The following EFR3B variants were observed in gnomAD, a reference collection of about 807,000 sequenced individuals.
EFR3B encodes the protein EFR3 homolog B.
A neutral mutation model predicts 104.7 loss-of-function variants in EFR3B; 64 were observed. That is an observed-to-expected ratio of 0.61 (90% CI 0.50 to 0.75). The LOEUF is 0.75. EFR3B is among the 30% of genes least tolerant of loss of function. The probability of loss-of-function intolerance (pLI) is 0.00; values close to 1 mark genes in which losing one functional copy is unlikely to be tolerated. For synonymous variants in EFR3B, 385 were observed against 417.9 expected (o/e 0.92, Z 0.96); for missense variants, 750 against 1,078.5 (o/e 0.70, Z 4.27).
intron 1 of EFR3B, among the ~76,000 whole-genome samples, chr2:25,051,637 G>GTTTT (rs1553383963): frequency 7.3e-6 from 1 of 136,740 alleles, no homozygotes; most frequent in African/African-American, 2.8e-5. Context: ...GTGTGTGTGT[G>GTTTT]TTTTTTTTTT....
intron 21 of EFR3B, among the ~76,000 whole-genome samples, chr2:25,153,143 C>T (rs1480745779): frequency 6.6e-6 from 1 of 152,166 alleles, no homozygotes; most frequent in Non-Finnish European, 1.5e-5. Context: ...CACCTGAGGT[C>T]AGGAGTTCGA....
intron 3 of EFR3B, among the ~76,000 whole-genome samples, chr2:25,100,400 G>A (rs535500501): frequency 1.3e-5 from 2 of 152,306 alleles, no homozygotes; most frequent in African/African-American, 4.8e-5. Flanking sequence ...TTGTAAGAGA[G>A]GCCTTTTGCT....
chr2:25,077,549 A>G (rs1558592365), intron 1 of EFR3B, among the ~76,000 whole-genome samples: 1 of 152,252 alleles, frequency 6.6e-6, no homozygotes, highest in Non-Finnish European at 1.5e-5. Context: ...TTGGCCTCCC[A>G]AAGTGTTGGG....
At chr2:25,109,094 G>A (rs1214638809) in intron 4 of EFR3B, among the ~76,000 whole-genome samples, 4 of 151,608 alleles carry the variant, frequency 2.6e-5, no homozygotes, top group Non-Finnish European at 5.9e-5. Flanking sequence ...CCACAGAAAG[G>A]GAGAAAATAT....
At position 25,137,746 on chromosome 2, in the gene EFR3B, G is replaced by C. The variant is rs1261500358; in HGVS notation, c.1722+244G>C. Among the ~76,000 whole-genome samples the C allele has an allele frequency of 2.0e-5, 3 of 152,160 alleles. No homozygotes were observed. In the East Asian group the frequency reaches 5.8e-4, roughly 29 times the overall value. ...AAGCTAAAGAAGACCCAGGGAACCG[G>C]GTCGTTCAGAAACATCCCTTAGCTA... On this transcript the variant is annotated intron_variant, in intron 15 of 22. Coordinates refer to ENST00000403714, the MANE Select transcript of EFR3B (RefSeq NM_014971.2). This position sits in a 1 kb window ranked among gnomAD's most constrained non-coding sequence, Gnocchi z 4.7.
At chr2:25,070,925 T>C (rs1668475785) in intron 1 of EFR3B, among the ~76,000 whole-genome samples, 1 of 152,270 alleles carries the variant, frequency 6.6e-6, no homozygotes, top group South Asian at 2.1e-4. Context: ...AAATTCATTG[T>C]TGCTTAATAC....
intron 1 of EFR3B, among the ~76,000 whole-genome samples, chr2:25,078,870 C>T (rs890968918): frequency 3.9e-5 from 6 of 152,152 alleles, no homozygotes; most frequent in African/African-American, 1.4e-4. Flanking sequence ...GTGGCGCTGA[C>T]TCTCCTGCCC....
intron 1 of EFR3B, among the ~76,000 whole-genome samples, chr2:25,072,851 C>T (rs1173359250): frequency 6.6e-6 from 1 of 152,204 alleles, no homozygotes; most frequent in African/African-American, 2.4e-5. Context: ...CAGGCCTTTT[C>T]TGCTCCTGAG....
intron 4 of EFR3B, among the ~76,000 whole-genome samples, chr2:25,110,788 C>T (rs1354274988): frequency 2.0e-5 from 3 of 152,226 alleles, no homozygotes; most frequent in African/African-American, 7.2e-5. Flanking sequence ...TTTAATATGT[C>T]GTCTAAATCC....
chr2:25,133,246 G>T, intron 11 of EFR3B, 137 bp from the exon 12 acceptor site: 1 of 1,014,478 alleles, frequency 9.9e-7, no homozygotes. Flanking sequence ...CGGCTTCCTG[G>T]GTCCGGAAGT....
chr2:25,154,022 A>G lies in EFR3B; in HGVS notation c.2349-213A>G, dbSNP rs1671093137. Among the ~76,000 whole-genome samples, 1 of 152,204 alleles carries G rather than the reference A, an allele frequency of 6.6e-6. No individual in the cohort carries two copies. The highest frequency in any genetic ancestry group is 2.1e-4 in the South Asian group (1 of 4,824). On this transcript the variant is annotated intron_variant, in intron 22 of 22. Coordinates refer to ENST00000403714, the MANE Select transcript of EFR3B (RefSeq NM_014971.2). The surrounding 1 kb of genome is among the most constrained non-coding windows in gnomAD (Gnocchi z 4.1). ...CTAGTGTTCCGGGCTGGCACTTTCT[A>G]AAGCAGCAGTGTCACTGCGGAGCCT...
Position 25,148,582 on chromosome 2 carries a change from C to CT in EFR3B, c.2143-1109dup, listed in dbSNP as rs1249387135. Among the ~76,000 whole-genome samples the CT allele has an allele frequency of 4.6e-5, 7 of 151,278 alleles. No individual in the cohort carries two copies. In the East Asian group the frequency reaches 1.4e-3, roughly 30 times the overall value. ...TCACTTCTAACCTTCCATTTCTTAT[C>CT]TTTATTAAATGCTCAAGTCGCATTG... On this transcript the variant is annotated intron_variant, in intron 19 of 22. Transcript: ENST00000403714.
intron 1 of EFR3B, among the ~76,000 whole-genome samples, chr2:25,055,127 A>G (rs1667982957): frequency 6.6e-6 from 1 of 152,224 alleles, no homozygotes; most frequent in Non-Finnish European, 1.5e-5. Flanking sequence ...TCAGGAGTTC[A>G]ATAACTTACC....
intron 13 of EFR3B, among the ~76,000 whole-genome samples, 200 bp downstream of exon 13, chr2:25,135,839 A>G (rs573328646): frequency 4.6e-5 from 7 of 152,280 alleles, no homozygotes; most frequent in Admixed American, 4.6e-4. Flanking sequence ...GTCCTGCAAG[A>G]GAAGGAGAGA....
chr2:25,057,202 G>C (rs549294941), intron 1 of EFR3B, among the ~76,000 whole-genome samples: 4 of 152,268 alleles, frequency 2.6e-5, no homozygotes, highest in Admixed American at 6.5e-5. Context: ...TGTTGTAGAG[G>C]TCCTGTCTAA....
Position 25,095,467 on chromosome 2 carries a change from G to A in EFR3B, c.212+2337G>A, listed in dbSNP as rs13428008. ...TCCCAGCACTTTGGAAGGCTGAGGC[G>A]GGTGGATCACTTGAGGTCAGGAATT... On this transcript the variant is annotated intron_variant, in intron 3 of 22. Transcript: ENST00000403714. Among the ~76,000 whole-genome samples the A allele has an allele frequency of 0.023, 3,519 of 152,202 alleles. 251 individuals are homozygous for A. In the East Asian group the frequency reaches 0.27, roughly 12 times the overall value.
Position 25,042,496 on chromosome 2 carries a change from G to T in EFR3B, c.7+177G>T. The stretch of plus-strand genomic sequence containing the variant: ...GCGTCTGCGCTGCGAGGACAAAGAT[G>T]CCTCGGGCCGGGGACCCTGGGGTCC... On this transcript the variant is annotated intron_variant, in intron 1 of 22. Coordinates refer to ENST00000403714, the MANE Select transcript of EFR3B (RefSeq NM_014971.2). The surrounding 1 kb of genome is among the most constrained non-coding windows in gnomAD (Gnocchi z 5.4). The T allele has an allele frequency of 2.5e-6, 3 of 1,207,196 alleles. No individual in the cohort carries two copies. The highest frequency in any genetic ancestry group is 8.6e-5 in the South Asian group (2 of 23,358). The allele number at this position is 1,207,196 out of a possible 1,614,324, so 74.8% of individuals were successfully genotyped here.
chr2:25,132,045 G>A lies in EFR3B; in HGVS notation c.1147+134G>A, dbSNP rs1403996064. 4 of 700,038 alleles carry A rather than the reference G, an allele frequency of 5.7e-6. No homozygotes were observed. The African/African-American group carries it at 8.3e-5, about 14-fold the overall frequency. The allele number at this position is 700,038 out of a possible 1,614,324, so 43.4% of individuals were successfully genotyped here. ...GGTGGGGCCAAGGGGAGGAAAGAGG[G>A]ACCCTGGAAAGGGGCGGGGCACCGG... On this transcript the variant is annotated intron_variant, in intron 10 of 22. Coordinates refer to ENST00000403714, the MANE Select transcript of EFR3B (RefSeq NM_014971.2).
chr2:25,121,150 C>G (rs1670001429), intron 4 of EFR3B, among the ~76,000 whole-genome samples: 1 of 152,188 alleles, frequency 6.6e-6, no homozygotes, highest in African/African-American at 2.4e-5. Flanking sequence ...GATCCACCTG[C>G]CTCGGCCTCC....
Sources: gnomAD v4.1 joint callset for allele counts (sites outside exome capture counted in the v4.1 genomes callset) on GRCh38, gnomAD v4.1.1 for gene constraint, Gnocchi (gnomAD v3.1) non-coding constraint, MANE v1.5 for transcripts, NCBI Gene and HGNC (gene_info 2026-07-23, HGNC 2026-07-21) for gene names.